EFCAB8: variants seen among roughly 807,000 people sequenced by gnomAD.
The protein encoded by EFCAB8 is EF-hand calcium binding domain 8, also known as EF-hand calcium-binding domain-containing protein 8.
In EFCAB8, 100 loss-of-function variants were observed where a neutral mutation model predicts 116.3. That is an observed-to-expected ratio of 0.86 (90% CI 0.73 to 1.02). The LOEUF is 1.02. Ranked by LOEUF, EFCAB8 falls within the 50% of genes least tolerant of loss-of-function variation. The pLI, the probability that EFCAB8 is intolerant of heterozygous loss-of-function variation, is 0.00. For missense variants in EFCAB8, 1,320 were observed against 1,416.9 expected (o/e 0.93, Z 1.10); for synonymous variants, 558 against 567.9 (o/e 0.98, Z 0.25).
At position 32,910,091 on chromosome 20, in the gene EFCAB8, G is replaced by C. The variant is rs1049051541; in HGVS notation, c.1557+160G>C. On this transcript the variant is annotated intron_variant, in intron 15 of 26. Transcript: ENST00000400522. ...GTGCTGGGGCAGCGGGATAGACACA[G>C]AAAGCAGCTCTACAGATGGGCTGGC... Among the ~76,000 whole-genome samples the C allele has an allele frequency of 3.3e-5, 5 of 152,328 alleles. No individual in the cohort carries two copies. In the South Asian group the frequency reaches 1.0e-3, roughly 32 times the overall value.
chr20:32,898,688 C>A, intron 11 of EFCAB8, 65 bp downstream of exon 11: 1 of 696,960 alleles, frequency 1.4e-6, no homozygotes. Flanking sequence ...GTGAGTGGAC[C>A]ATGGGGGCTG....
chr20:32,862,829 A>G (rs1279772531), intron 1 of EFCAB8, among the ~76,000 whole-genome samples: 1 of 151,784 alleles, frequency 6.6e-6, no homozygotes, highest in East Asian at 2.0e-4. Context: ...GGGTTTCAAT[A>G]TGTTGGCCAG....
In EFCAB8 at chr20:32,898,520, G is replaced by A. The variant is rs1986272795; in HGVS notation, c.985G>A (p.Val329Ile). 1.4e-6 allele frequency: 1 copy of A among 718,460 alleles called. No homozygotes were observed. The highest frequency in any genetic ancestry group is 2.6e-6 in the Non-Finnish European group (1 of 385,096). The allele number at this position is 718,460 out of a possible 1,614,324, so 44.5% of individuals were successfully genotyped here. ...KALHPNWCEQ[V>I]KFIPQMNVVV... is the part of the protein sequence containing the mutation. ...TCTCCATCCCAACTGGTGTGAGCAG[G>A]TCAAGTTCATCCCCCAGATGAATGT... The change falls in exon 11 of 27, where the codon GTC (valine) becomes ATC (isoleucine). Residue 329 changes from valine to isoleucine, a missense_variant. By Grantham distance (29) the Val-to-Ile change is conservative (BLOSUM62 3). Coordinates refer to ENST00000400522, the MANE Select transcript of EFCAB8 (RefSeq NM_001143967.2).
intron 22 of EFCAB8, among the ~76,000 whole-genome samples, chr20:32,943,320 T>C (rs867824505): frequency 1.3e-5 from 2 of 152,352 alleles, no homozygotes; most frequent in Middle Eastern, 3.4e-3. Flanking sequence ...GAATAATGTG[T>C]ACAGAGGCAC....
chr20:32,957,221 A>G (rs557326074), intron 23 of EFCAB8, among the ~76,000 whole-genome samples: 36 of 151,816 alleles, frequency 2.4e-4, no homozygotes, highest in African/African-American at 8.7e-4. Flanking sequence ...GCTAACTCCA[A>G]TGTGAATCTT....
intron 22 of EFCAB8, among the ~76,000 whole-genome samples, chr20:32,942,807 G>A (rs562135140): frequency 6.6e-6 from 1 of 151,732 alleles, no homozygotes; most frequent in African/African-American, 2.4e-5. Context: ...TATTCATTTG[G>A]GTGTAAGATA....
chr20:32,878,476 G>C (rs560251744), intron 4 of EFCAB8, among the ~76,000 whole-genome samples: 287 of 151,810 alleles, frequency 1.9e-3, no homozygotes, highest in African/African-American at 6.5e-3. Flanking sequence ...AGATGGGGTG[G>C]TGAGGGGGAC....
chr20:32,871,130 G>GT (rs1427497173), intron 3 of EFCAB8, among the ~76,000 whole-genome samples: 12 of 152,094 alleles, frequency 7.9e-5, no homozygotes, highest in African/African-American at 2.9e-4. Flanking sequence ...GGGATTTCAG[G>GT]TGTGAGCCAC....
At chr20:32,875,405 A>G (rs1424900081) in intron 3 of EFCAB8, among the ~76,000 whole-genome samples, 1 of 151,436 alleles carries the variant, frequency 6.6e-6, no homozygotes, top group Non-Finnish European at 1.5e-5. Context: ...GGCTGGAGCC[A>G]TCTCCCTTCT....
At position 32,911,576 on chromosome 20, in the gene EFCAB8, G is replaced by C; in HGVS notation, c.1654G>C (p.Glu552Gln). ...TGCTGTGTCTGGGGGCCAGCACGTG[G>C]AGATGACCGCCATGGCCCTGGATGA... ...EFAVSGGQHV[E>Q]MTAMALDESE... The change falls in exon 16 of 27, where the codon GAG becomes CAG. Residue 552 changes from glutamate (E) to glutamine (Q), a missense_variant. By Grantham distance (29) the Glu-to-Gln change is conservative (BLOSUM62 2). Coordinates refer to ENST00000400522, the MANE Select transcript of EFCAB8 (RefSeq NM_001143967.2). 2 of 1,547,748 alleles carry C rather than the reference G, an allele frequency of 1.3e-6. No individual in the cohort carries two copies. Among genetic ancestry groups the C allele is most frequent in the Admixed American group, 2.0e-5 (1 of 50,882 alleles).
At chr20:32,892,099 A>T (rs1041837148) in intron 7 of EFCAB8, 114 bp from the exon 8 acceptor site, 4 of 935,716 alleles carry the variant, frequency 4.3e-6, no homozygotes, top group South Asian at 3.2e-5. Flanking sequence ...CCATGGGGGA[A>T]AAAGGGCTGA....
intron 20 of EFCAB8, among the ~76,000 whole-genome samples, chr20:32,921,865 C>T (rs1224686432): frequency 1.5e-5 from 2 of 135,964 alleles, no homozygotes; most frequent in Admixed American, 1.6e-4. Flanking sequence ...GAGTCTTGCT[C>T]TGTCACCCAG....
chr20:32,918,396 A>T lies in EFCAB8; in HGVS notation c.2096A>T (p.His699Leu). The T allele has an allele frequency of 1.9e-6, 3 of 1,551,748 alleles. No individual in the cohort carries two copies. The highest frequency in any genetic ancestry group is 2.6e-6 in the Non-Finnish European group (3 of 1,146,990). ...QDVNNCLAES[H>L]RPSRPYVERE... is the part of the protein sequence containing the mutation. ...GTGAACAACTGCCTGGCTGAGAGCC[A>T]CAGGCCCAGCAGACCCTATGTGGAG... is the stretch of plus-strand genomic sequence containing the variant. The change falls in exon 19 of 27, where the codon CAC (histidine) becomes CTC (leucine). Residue 699 changes from histidine to leucine, a missense_variant. Transcript: ENST00000400522.
At chr20:32,892,127 T>G (rs1985948653) in intron 7 of EFCAB8, 86 bp from the exon 8 acceptor site, 1 of 1,201,604 alleles carries the variant, frequency 8.3e-7, no homozygotes, top group African/African-American at 1.5e-5. Context: ...AGAGATTCCT[T>G]GGGATAGCAA....
Position 32,961,332 on chromosome 20 carries a change from C to A in EFCAB8, c.3590C>A (p.Ser1197Tyr), listed in dbSNP as rs1989144731. Residue 1197 changes from serine to tyrosine, a missense_variant, in exon 27 of 27, where the codon TCC becomes TAC. By Grantham distance (144) the Ser-to-Tyr change is moderately radical. Coordinates refer to ENST00000400522, the MANE Select transcript of EFCAB8 (RefSeq NM_001143967.2). ...ACGGACAGCACGCCTGCGGCCGCCTCCTCCCCATCTTCCTTGTTATCTGTC... is the reference window on the plus strand; with the variant it reads ...ACGGACAGCACGCCTGCGGCCGCCTACTCCCCATCTTCCTTGTTATCTGTC... ...DTTDSTPAAA[S>Y]SPSSLLSVTA... The A allele has an allele frequency of 1.3e-6, 2 of 1,486,980 alleles. No individual in the cohort carries two copies. The highest frequency in any genetic ancestry group is 2.5e-5 in the Admixed American group (1 of 39,820). 92.1% of individuals were successfully genotyped at this position (1,486,980 alleles called of 1,614,324 possible). A position where few individuals can be genotyped will look rare whatever the true frequency, so the allele number is the denominator to read the frequency against.
chr20:32,923,099 A>C (rs961616002), intron 20 of EFCAB8, among the ~76,000 whole-genome samples: 1 of 152,164 alleles, frequency 6.6e-6, no homozygotes, highest in Non-Finnish European at 1.5e-5. Context: ...TGGGAGAATC[A>C]CTTGAGTCTG....
At chr20:32,877,155 A>G (rs1398029799) in intron 4 of EFCAB8, among the ~76,000 whole-genome samples, 1 of 149,266 alleles carries the variant, frequency 6.7e-6, no homozygotes, top group African/African-American at 2.5e-5. Context: ...CAGCATAGGT[A>G]TACATTCTGG....
chr20:32,914,694 A>C (rs1987101920), intron 17 of EFCAB8, among the ~76,000 whole-genome samples: 1 of 151,970 alleles, frequency 6.6e-6, no homozygotes, highest in South Asian at 2.1e-4. Context: ...GTGAGAACTC[A>C]CTCACTATCA....
chr20:32,919,742 G>A (rs1029885026), intron 19 of EFCAB8, among the ~76,000 whole-genome samples: 3 of 152,028 alleles, frequency 2.0e-5, no homozygotes, highest in Admixed American at 2.0e-4. Flanking sequence ...GAAATTATCT[G>A]CCCGCCTCAG....
Sources: gnomAD v4.1 joint callset for allele counts (sites outside exome capture counted in the v4.1 genomes callset) on GRCh38, gnomAD v4.1.1 for gene constraint, MANE v1.5 for transcripts, NCBI Gene and HGNC (gene_info 2026-07-23, HGNC 2026-07-21) for gene names.